NFIB: variants seen among roughly 807,000 people sequenced by gnomAD.
The protein encoded by NFIB is nuclear factor I B, also known as nuclear factor 1 B-type.
Under a neutral mutation model 61.5 loss-of-function variants are expected in NFIB, and 11 were observed. The observed-to-expected ratio is 0.18, with a 90% CI of 0.11 to 0.30. NFIB has a LOEUF of 0.30. NFIB is among the 10% of genes least tolerant of loss of function. NFIB has a pLI of 1.00. For missense variants in NFIB, 471 were observed against 608.9 expected, an observed-to-expected ratio of 0.77 and a Z score of 2.38; for synonymous variants, 260 against 216.5, an observed-to-expected ratio of 1.20 and a Z score of -1.76.
intron 2 of NFIB, among the ~76,000 whole-genome samples, chr9:14,219,375 C>A: frequency 4.0e-5 from 1 of 25,172 alleles, no homozygotes; most frequent in Admixed American, 4.2e-4. Context: ...TCTTGTAGCA[C>A]TAGGGTAAAA....
chr9:14,219,968 T>C (rs954896148), intron 2 of NFIB, among the ~76,000 whole-genome samples: 3 of 152,154 alleles, frequency 2.0e-5, no homozygotes, highest in Non-Finnish European at 4.4e-5. Flanking sequence ...AGGATGGAAC[T>C]ACACCAAAAA....
Position 14,106,823 on chromosome 9 carries a change from G to C in NFIB, c.1467+6176C>G, listed in dbSNP as rs576829633. On this transcript the variant is annotated intron_variant, in intron 10 of 10. Coordinates refer to ENST00000380953, the MANE Select transcript of NFIB (RefSeq NM_001190737.2). ...ACAGCAATTAGCTTTGGGAACAAAA[G>C]AAAGAAGGTAAGCAAAATGTTCTAT... is the stretch of plus-strand genomic sequence containing the variant. Among the ~76,000 whole-genome samples, 3 of 152,172 alleles carry C rather than the reference G, an allele frequency of 2.0e-5. No individual in the cohort carries two copies. The South Asian group carries it at 6.2e-4, about 32-fold the overall frequency.
intron 1 of NFIB, among the ~76,000 whole-genome samples, chr9:14,334,598 A>G (rs7018632): frequency 2.4e-4 from 36 of 152,232 alleles, no homozygotes; most frequent in African/African-American, 8.4e-4. Flanking sequence ...GCCAGTTTAT[A>G]TCTGTTGCAG....
chr9:14,360,113 C>G (rs576353899), intron 1 of NFIB, among the ~76,000 whole-genome samples: 4 of 152,116 alleles, frequency 2.6e-5, no homozygotes, highest in African/African-American at 9.7e-5. Context: ...TGAGGCATAA[C>G]TAAAAAAGAC....
At chr9:14,466,580 T>C in the NFIB span, among the ~76,000 whole-genome samples, 1 of 152,066 alleles carries the variant, frequency 6.6e-6, no homozygotes, top group Non-Finnish European at 1.5e-5. Flanking sequence ...AGCTAGGAGC[T>C]CCCGTCTGTC....
chr9:14,266,231 C>G (rs1180277371), intron 2 of NFIB, among the ~76,000 whole-genome samples: 1 of 152,120 alleles, frequency 6.6e-6, no homozygotes, highest in Non-Finnish European at 1.5e-5. Context: ...TTCCCTTATG[C>G]TCAAACACTC....
At chr9:14,248,438 T>C (rs577169925) in intron 2 of NFIB, among the ~76,000 whole-genome samples, 2 of 151,960 alleles carry the variant, frequency 1.3e-5, no homozygotes, top group Admixed American at 1.3e-4. Context: ...GTCGGACTAA[T>C]CTTTTATTTT....
chr9:14,284,397 A>G (rs1323519855), intron 2 of NFIB, among the ~76,000 whole-genome samples: 1 of 152,212 alleles, frequency 6.6e-6, no homozygotes, highest in South Asian at 2.1e-4. Context: ...ATCTAAGAAG[A>G]AAATCAATCT....
the NFIB span, among the ~76,000 whole-genome samples, chr9:14,466,180 G>A: frequency 6.6e-6 from 1 of 152,188 alleles, no homozygotes; most frequent in South Asian, 2.1e-4. Context: ...ACACTGTCAA[G>A]GCCTGTCTGG....
At chr9:14,173,658 A>G (rs970462788) in intron 3 of NFIB, among the ~76,000 whole-genome samples, 4 of 152,132 alleles carry the variant, frequency 2.6e-5, no homozygotes, top group African/African-American at 9.7e-5. Flanking sequence ...AATGGTGTGT[A>G]TTTTACACAA....
At chr9:14,383,755 G>C (rs1026807694) in intron 1 of NFIB, among the ~76,000 whole-genome samples, 1 of 152,152 alleles carries the variant, frequency 6.6e-6, no homozygotes, top group African/African-American at 2.4e-5. Flanking sequence ...ATTTACATGG[G>C]ATCATCTCTT....
chr9:14,418,530 A>G, the NFIB span, among the ~76,000 whole-genome samples: 4 of 152,140 alleles, frequency 2.6e-5, no homozygotes, highest in African/African-American at 9.7e-5. Flanking sequence ...TGCTTGGAGA[A>G]GTGTGTGTGG....
chr9:14,194,626 C>T (rs372673117), intron 2 of NFIB, among the ~76,000 whole-genome samples: 3 of 151,992 alleles, frequency 2.0e-5, no homozygotes, highest in East Asian at 3.9e-4. Context: ...TATGTATATG[C>T]TATGATTTAA....
At chr9:14,234,470 A>T (rs911617704) in intron 2 of NFIB, among the ~76,000 whole-genome samples, 2 of 151,766 alleles carry the variant, frequency 1.3e-5, no homozygotes, top group African/African-American at 4.8e-5. Context: ...TCCGCGTTCA[A>T]GCAACTCTCC....
chr9:14,381,819 C>T lies in NFIB; in HGVS notation c.108+16705G>A, dbSNP rs79334056. ...CTCTGAAAGGGCAGGGTACCAGAAC[C>T]GTGCCTTGCACATAGCAGCCACTCA... On this transcript the variant is annotated intron_variant, in intron 1 of 8. Coordinates refer to the NFIB transcript ENST00000380934. 6.1e-3 allele frequency among the ~76,000 whole-genome samples: 927 copies of T among 152,360 alleles called. 12 individuals carry two copies. Among genetic ancestry groups the T allele is most frequent in the African/African-American group, 0.021 (871 of 41,578 alleles).
chr9:14,155,610 C>T (rs1361305800), intron 4 of NFIB, among the ~76,000 whole-genome samples: 1 of 152,060 alleles, frequency 6.6e-6, no homozygotes, highest in Non-Finnish European at 1.5e-5. Flanking sequence ...AGAAAAACCC[C>T]AAAATTATTT....
At chr9:14,256,912 G>C (rs1426835227) in intron 2 of NFIB, among the ~76,000 whole-genome samples, 1 of 152,146 alleles carries the variant, frequency 6.6e-6, no homozygotes, top group Non-Finnish European at 1.5e-5. Flanking sequence ...ACCTGGCTTT[G>C]TCACTACCCC....
chr9:14,172,536 T>G (rs1217114658), intron 3 of NFIB, among the ~76,000 whole-genome samples: 1 of 152,208 alleles, frequency 6.6e-6, no homozygotes, highest in African/African-American at 2.4e-5. Context: ...TTGTACCTTT[T>G]CTCATGTCAA....
intron 1 of NFIB, among the ~76,000 whole-genome samples, chr9:14,381,280 C>T (rs2061486247): frequency 6.6e-6 from 1 of 151,860 alleles, no homozygotes; most frequent in Non-Finnish European, 1.5e-5. Context: ...CAACCTCCAC[C>T]TCCTGGGCTC....
Sources: gnomAD v4.1 joint callset for allele counts (sites outside exome capture counted in the v4.1 genomes callset) on GRCh38, gnomAD v4.1.1 for gene constraint, MANE v1.5 for transcripts, NCBI Gene and HGNC (gene_info 2026-07-23, HGNC 2026-07-21) for gene names.